Variants in XKR6 observed in about 807,000 individuals in gnomAD.
The protein encoded by XKR6 is XK related 6, also known as XK-related protein 6.
A neutral mutation model predicts 56.7 loss-of-function variants in XKR6; 22 were observed. That is an observed-to-expected ratio of 0.39 (90% confidence interval 0.28 to 0.55). XKR6 has a LOEUF of 0.55. Ranked by LOEUF, XKR6 falls within the 20% of genes least tolerant of loss-of-function variation. The pLI, the probability that XKR6 is intolerant of heterozygous loss-of-function variation, is 0.66. For synonymous variants in XKR6, 524 were observed against 387.8 expected, an observed-to-expected ratio of 1.35 and a Z score of -4.13; for missense variants, 852 against 889.0, an observed-to-expected ratio of 0.96 and a Z score of 0.53.
In XKR6 at chr8:11,100,480, C is replaced by T. The variant is rs144800675; in HGVS notation, c.764+100096G>A. Among the ~76,000 whole-genome samples the T allele has an allele frequency of 7.8e-3, 1,184 of 152,316 alleles. 13 individuals are homozygous for T. The highest frequency in any genetic ancestry group is 0.012 in the Non-Finnish European group (843 of 68,040). ...TGTGTTTAGTACGCAATGATTTAGT[C>T]TACAAACTATCGTGAGATCTTATGA... On this transcript the variant is annotated intron_variant, in intron 1 of 2. Transcript: ENST00000416569.
At chr8:10,983,692 G>T (rs1264881266) in intron 1 of XKR6, among the ~76,000 whole-genome samples, 1 of 150,144 alleles carries the variant, frequency 6.7e-6, no homozygotes, top group East Asian at 1.9e-4. Context: ...GTCTCACTCT[G>T]TCACCCAGGC....
chr8:11,061,713 C>T (rs1457925741), intron 1 of XKR6, among the ~76,000 whole-genome samples: 1 of 152,150 alleles, frequency 6.6e-6, no homozygotes, highest in African/African-American at 2.4e-5. Flanking sequence ...ACATCCATTC[C>T]CCTCTTCCAG....
intron 1 of XKR6, among the ~76,000 whole-genome samples, chr8:11,118,026 G>C (rs931833115): frequency 6.6e-6 from 1 of 152,070 alleles, no homozygotes; most frequent in South Asian, 2.1e-4. Flanking sequence ...CCAACTTTTT[G>C]AAGAATAATG....
chr8:11,056,535 A>G (rs1163369968), intron 1 of XKR6, among the ~76,000 whole-genome samples: 2 of 151,806 alleles, frequency 1.3e-5, no homozygotes, highest in African/African-American at 4.8e-5. Flanking sequence ...CCCAAATGCA[A>G]CTCCTCAAAG....
chr8:11,057,698 C>T (rs914038364), intron 1 of XKR6, among the ~76,000 whole-genome samples: 2 of 152,190 alleles, frequency 1.3e-5, no homozygotes, highest in Non-Finnish European at 2.9e-5. Context: ...CTGACGTCAC[C>T]ATCTGTTCCT....
intron 1 of XKR6, among the ~76,000 whole-genome samples, chr8:11,199,425 AACT>A (rs1255372032): frequency 3.3e-5 from 5 of 152,264 alleles, no homozygotes; most frequent in African/African-American, 1.2e-4. Flanking sequence ...CTGTTACCTG[AACT>A]ACTAAATGCC....
chr8:11,091,760 A>G (rs1241259688), intron 1 of XKR6, among the ~76,000 whole-genome samples: 1 of 152,100 alleles, frequency 6.6e-6, no homozygotes, highest in East Asian at 1.9e-4. Flanking sequence ...TGCATGTGAA[A>G]CTGAAGAAAC....
chr8:10,982,525 C>A (rs1283288147), intron 1 of XKR6, among the ~76,000 whole-genome samples: 1 of 152,160 alleles, frequency 6.6e-6, no homozygotes, highest in African/African-American at 2.4e-5. Context: ...ACCCACCTCC[C>A]AGGCTGAGAA....
intron 1 of XKR6, among the ~76,000 whole-genome samples, chr8:10,961,427 C>T (rs551891354): frequency 1.3e-5 from 2 of 152,298 alleles, no homozygotes; most frequent in East Asian, 3.9e-4. Flanking sequence ...GCCTGGCATC[C>T]TCAGAGGCTG....
chr8:10,990,415 G>C lies in XKR6; in HGVS notation c.765-65585C>G, dbSNP rs533281532. 4.8e-4 allele frequency among the ~76,000 whole-genome samples: 73 copies of C among 152,284 alleles called. No homozygotes were observed. In the South Asian group the frequency reaches 0.015, roughly 31 times the overall value. On this transcript the variant is annotated intron_variant, in intron 1 of 2. Coordinates refer to ENST00000416569, the MANE Select transcript of XKR6 (RefSeq NM_173683.4). ...GTGGCTGGGAGATTTTAAGACTGTG[G>C]AACTGCTGGGGAGCATGTCTGTTAT...
At chr8:10,938,656 G>A (rs1348202015) in intron 1 of XKR6, among the ~76,000 whole-genome samples, 1 of 152,194 alleles carries the variant, frequency 6.6e-6, no homozygotes, top group Non-Finnish European at 1.5e-5. Flanking sequence ...CCAGAGGGAT[G>A]GAGAACAGAT....
At chr8:10,996,163 A>G (rs914279329) in intron 1 of XKR6, among the ~76,000 whole-genome samples, 4 of 152,252 alleles carry the variant, frequency 2.6e-5, no homozygotes, top group Non-Finnish European at 5.9e-5. Flanking sequence ...CCAACTTCTC[A>G]GGTCAATAAT....
chr8:10,917,098 G>T (rs142492497), intron 2 of XKR6, among the ~76,000 whole-genome samples: 2 of 151,064 alleles, frequency 1.3e-5, no homozygotes, highest in African/African-American at 4.9e-5. Context: ...CACAAATTTG[G>T]TGCTGGTATC....
intron 1 of XKR6, among the ~76,000 whole-genome samples, chr8:10,928,992 C>T (rs778926190): frequency 7.2e-5 from 11 of 152,192 alleles, no homozygotes; most frequent in Non-Finnish European, 1.0e-4. Context: ...AGCACAGTCT[C>T]AAGAAAGCTG....
At chr8:11,124,191 A>G in intron 1 of XKR6, 1 of 357,060 alleles carries the variant, frequency 2.8e-6, no homozygotes, top group Non-Finnish European at 5.6e-6. Flanking sequence ...TGAGGGAGAA[A>G]AAAGCCAACC....
intron 1 of XKR6, among the ~76,000 whole-genome samples, chr8:11,075,670 G>T (rs1800255256): frequency 1.3e-5 from 2 of 152,124 alleles, no homozygotes; most frequent in African/African-American, 4.8e-5. Flanking sequence ...GGATCATGAG[G>T]TCATGAGTTT....
At chr8:11,198,815 G>A (rs1804035341) in intron 1 of XKR6, among the ~76,000 whole-genome samples, 1 of 152,010 alleles carries the variant, frequency 6.6e-6, no homozygotes. Flanking sequence ...ACATGCTGCT[G>A]AATTCTACTG....
At chr8:10,920,814 A>G (rs929240125) in intron 2 of XKR6, among the ~76,000 whole-genome samples, 29 of 152,254 alleles carry the variant, frequency 1.9e-4, no homozygotes, top group African/African-American at 7.0e-4. Context: ...CCACAATCCA[A>G]TGACAAGGAT....
At chr8:11,090,050 G>C (rs1417950427) in intron 1 of XKR6, among the ~76,000 whole-genome samples, 1 of 152,128 alleles carries the variant, frequency 6.6e-6, no homozygotes, top group African/African-American at 2.4e-5. Context: ...CAGTATTATA[G>C]TATTCTATTA....
Sources: allele counts gnomAD v4.1 joint callset (sites outside exome capture counted in the v4.1 genomes callset), GRCh38; gene constraint gnomAD v4.1.1; transcripts MANE v1.5; gene names NCBI Gene and HGNC (gene_info 2026-07-23, HGNC 2026-07-21).